NALF1: variants seen among roughly 807,000 people sequenced by gnomAD.
NALF1 encodes family with sequence similarity 155 member A.
In NALF1, 3 loss-of-function variants were observed where a neutral mutation model predicts 48.4. The observed-to-expected ratio is 0.06, with a 90% CI of 0.03 to 0.16. NALF1 has a LOEUF of 0.16. NALF1 is among the 10% of genes least tolerant of loss of function. The probability of loss-of-function intolerance (pLI) is 1.00; values close to 1 mark genes in which losing one functional copy is unlikely to be tolerated. For missense variants in NALF1, 526 were observed against 571.5 expected, an observed-to-expected ratio of 0.92 and a Z score of 0.81; for synonymous variants, 262 against 245.7, an observed-to-expected ratio of 1.07 and a Z score of -0.62.
chr13:107,184,866 G>A (rs1006459090), intron 2 of NALF1, among the ~76,000 whole-genome samples: 79 of 152,188 alleles, frequency 5.2e-4, no homozygotes, highest in African/African-American at 1.8e-3. Flanking sequence ...TCTCCAAAAC[G>A]ATATGTTAAA....
chr13:107,525,949 C>T (rs1271023379), intron 1 of NALF1, among the ~76,000 whole-genome samples: 2 of 151,980 alleles, frequency 1.3e-5, no homozygotes, highest in East Asian at 1.9e-4. Flanking sequence ...CATAAAGTGT[C>T]TGTACATGTT....
intron 1 of NALF1, among the ~76,000 whole-genome samples, chr13:107,680,925 G>C (rs544093735): frequency 1.0e-4 from 15 of 146,874 alleles, no homozygotes; most frequent in African/African-American, 2.8e-4. Context: ...GTGTATGAGA[G>C]TATGAGTATG....
intron 1 of NALF1, among the ~76,000 whole-genome samples, chr13:107,376,400 T>C (rs1235474923): frequency 2.0e-5 from 3 of 152,216 alleles, no homozygotes; most frequent in Admixed American, 1.3e-4. Flanking sequence ...GCAATTAGCA[T>C]GTATTCATGG....
chr13:107,815,406 G>A (rs997260744), intron 1 of NALF1, among the ~76,000 whole-genome samples: 1 of 152,018 alleles, frequency 6.6e-6, no homozygotes, highest in Non-Finnish European at 1.5e-5. Context: ...AATTCTTGAA[G>A]AGCAATTCAA....
At chr13:107,542,422 A>C (rs1378702902) in intron 1 of NALF1, among the ~76,000 whole-genome samples, 1 of 152,136 alleles carries the variant, frequency 6.6e-6, no homozygotes, top group African/African-American at 2.4e-5. Context: ...CTGTGGTGAT[A>C]GTTTGACATA....
At chr13:107,209,900 A>AT (rs1416763796) in intron 2 of NALF1, among the ~76,000 whole-genome samples, 3 of 152,118 alleles carry the variant, frequency 2.0e-5, no homozygotes, top group East Asian at 1.9e-4. Context: ...TTATCTTTTT[A>AT]TTTTTTAAAA....
chr13:107,689,742 C>A (rs1409527158), intron 1 of NALF1, among the ~76,000 whole-genome samples: 1 of 152,138 alleles, frequency 6.6e-6, no homozygotes, highest in Non-Finnish European at 1.5e-5. Context: ...TCTTAAGATT[C>A]TTGGTATGTG....
At chr13:107,654,331 G>A (rs1322377076) in intron 1 of NALF1, among the ~76,000 whole-genome samples, 9 of 152,124 alleles carry the variant, frequency 5.9e-5, no homozygotes, top group East Asian at 3.8e-4. Flanking sequence ...AAAAGTAGGC[G>A]CTTAGCAATG....
chr13:107,691,549 A>G (rs1881569280), intron 1 of NALF1, among the ~76,000 whole-genome samples: 1 of 152,196 alleles, frequency 6.6e-6, no homozygotes, highest in African/African-American at 2.4e-5. Context: ...TTTTCTTAAC[A>G]CCATATGTTC....
chr13:107,222,673 T>C (rs1179572684), intron 1 of NALF1, among the ~76,000 whole-genome samples: 6 of 152,236 alleles, frequency 3.9e-5, no homozygotes, highest in Admixed American at 1.3e-4. Context: ...CATTTAAAAC[T>C]GAGCACTTGC....
chr13:107,442,979 T>C (rs141767109), intron 1 of NALF1, among the ~76,000 whole-genome samples: 2 of 152,202 alleles, frequency 1.3e-5, no homozygotes, highest in African/African-American at 4.8e-5. Flanking sequence ...ATAAATAACA[T>C]AAAATAGTGA....
intron 1 of NALF1, among the ~76,000 whole-genome samples, chr13:107,381,329 T>A (rs1883435759): frequency 1.3e-5 from 2 of 151,568 alleles, no homozygotes; most frequent in Non-Finnish European, 2.9e-5. Flanking sequence ...ATGTCCCAAG[T>A]AGCTGGGACC....
In NALF1 at chr13:107,829,684, C is replaced by G. The variant is rs191412259; in HGVS notation, c.915+35998G>C. 2.7e-5 allele frequency among the ~76,000 whole-genome samples: 4 copies of G among 150,418 alleles called. No individual in the cohort carries two copies. In the East Asian group the frequency reaches 8.1e-4, roughly 31 times the overall value. Reference sequence around the variant, plus strand: ...TCAGAACAATTTATGAAAAAAAGATCATGAGTTTACTCGTGTCTGAAAATT... The same window carrying G: ...TCAGAACAATTTATGAAAAAAAGATGATGAGTTTACTCGTGTCTGAAAATT... On this transcript the variant is annotated intron_variant, in intron 1 of 2. Transcript: ENST00000375915.
chr13:107,206,645 A>G (rs544217258), intron 2 of NALF1, among the ~76,000 whole-genome samples: 85 of 152,170 alleles, frequency 5.6e-4, no homozygotes, highest in Non-Finnish European at 1.1e-3. Context: ...AATCCTAGGT[A>G]TCAGTATATA....
At chr13:107,421,937 G>A (rs963887881) in intron 1 of NALF1, among the ~76,000 whole-genome samples, 28 of 152,294 alleles carry the variant, frequency 1.8e-4, no homozygotes, top group African/African-American at 6.3e-4. Context: ...TTGAGGAGCA[G>A]AGCAACATGA....
rs1434789701 is a variant in NALF1 at position 107,800,047 on chromosome 13, GA to G, written c.915+65634del. On this transcript the variant is annotated intron_variant, in intron 1 of 2. Transcript: ENST00000375915. ...GGGAGGTGCTAATGTTTATTCTGAA[GA>G]ACCAAACTATGCCTAATTCTTCTTT... Among the ~76,000 whole-genome samples the G allele has an allele frequency of 3.9e-5, 6 of 152,280 alleles. No homozygotes were observed. The South Asian group carries it at 8.3e-4, about 21-fold the overall frequency.
Position 107,842,734 on chromosome 13 carries a change from C to T in NALF1, c.915+22948G>A, listed in dbSNP as rs547190256. Among the ~76,000 whole-genome samples the T allele has an allele frequency of 1.5e-4, 23 of 151,760 alleles. No homozygotes were observed. The South Asian group carries it at 2.3e-3, about 15-fold the overall frequency. On this transcript the variant is annotated intron_variant, in intron 1 of 2. Coordinates refer to ENST00000375915, the MANE Select transcript of NALF1 (RefSeq NM_001080396.3). ...TAAAAGCTAATAAATCTCTGACAAA[C>T]GAGCAAAAATTCCTTTATCTTTCAT...
chr13:107,638,189 A>ATT (rs1880038821), intron 1 of NALF1, among the ~76,000 whole-genome samples: 2 of 115,738 alleles, frequency 1.7e-5, no homozygotes, highest in Non-Finnish European at 3.6e-5. Flanking sequence ...ATAAAGATTT[A>ATT]TATATATATA....
At chr13:107,628,159 C>A (rs1380904347) in intron 1 of NALF1, among the ~76,000 whole-genome samples, 1 of 151,990 alleles carries the variant, frequency 6.6e-6, no homozygotes, top group Non-Finnish European at 1.5e-5. Flanking sequence ...TGAACCACCA[C>A]GAAGACCAGA....
Sources: allele counts gnomAD v4.1 joint callset (sites outside exome capture counted in the v4.1 genomes callset), GRCh38; gene constraint gnomAD v4.1.1; transcripts MANE v1.5; gene names NCBI Gene and HGNC (gene_info 2026-07-23, HGNC 2026-07-21).